The following ABCB5 variants were observed in gnomAD, a reference collection of about 807,000 sequenced individuals.
The protein encoded by ABCB5 is ATP binding cassette subfamily B member 5, also known as ATP-binding cassette sub-family B member 5.
Under a neutral mutation model 144.2 loss-of-function variants are expected in ABCB5, and 155 were observed. The observed-to-expected ratio is 1.08, with a 90% CI of 0.94 to 1.23. ABCB5 has a LOEUF of 1.23. Ranked by LOEUF, ABCB5 falls within the 50% of genes most tolerant of loss-of-function variation. The pLI, the probability that ABCB5 is intolerant of heterozygous loss-of-function variation, is 0.00. For missense variants in ABCB5, 1,830 were observed against 1,520.8 expected (o/e 1.20, Z -3.38); for synonymous variants, 610 against 528.6 (o/e 1.15, Z -2.11).
rs1482603337 is a variant in ABCB5, at chr7:20,643,203, G to A, written c.334G>A (p.Gly112Arg). The A allele has an allele frequency of 6.2e-7, 1 of 1,611,668 alleles. No individual in the cohort carries two copies. The highest frequency in any genetic ancestry group is 8.5e-7 in the Non-Finnish European group (1 of 1,178,516). The part of the protein sequence containing the change: ...DMTLLTLYYV[G>R]IGVAALIFGY... ...CTTCAGGTTGACCCTGTATTATGTT[G>A]GAATAGGTGTTGCTGCCTTGATTTT... is the stretch of plus-strand genomic sequence containing the variant. The change falls in exon 6 of 28, where the codon GGA (glycine) becomes AGA (arginine). Residue 112 changes from glycine (G) to arginine (R), a missense_variant. By Grantham distance (125) the Gly-to-Arg change is moderately radical. Coordinates refer to ENST00000404938, the MANE Select transcript of ABCB5 (RefSeq NM_001163941.2).
Position 20,723,163 on chromosome 7 carries a change from G to A in ABCB5, c.2569G>A (p.Ala857Thr), listed in dbSNP as rs80123476. 170 of 1,613,994 alleles carry A rather than the reference G, an allele frequency of 1.1e-4. 1 individual carries two copies. In the East Asian group the frequency reaches 1.8e-3, roughly 17 times the overall value. ...VLAVTGMIET[A>T]AMTGFANKDK... ...TGCCGTGACAGGAATGATTGAAACC[G>A]CAGCAATGACTGGATTTGCCAACAA... The change falls in exon 21 of 28, where the codon GCA becomes ACA. Residue 857 changes from alanine (A) to threonine (T), a missense_variant. By Grantham distance (58) the Ala-to-Thr change is moderately conservative. Transcript: ENST00000404938.
rs79454537 is a variant in ABCB5, at chr7:20,681,472, G to A, written c.1708-33G>A. 1,952 of 1,609,646 alleles carry A rather than the reference G, an allele frequency of 1.2e-3. 13 individuals are homozygous for A. The African/African-American group carries it at 0.024, about 20-fold the overall frequency. ...TGCAAAGGTTGTTATTTCTACTAAT[G>A]TCTATTTATTTTCTATGCATTTTAT... On this transcript the variant is annotated intron_variant, in intron 14 of 27. Transcript: ENST00000404938.
Position 20,681,626 on chromosome 7 carries a change from T to C in ABCB5, c.1829T>C (p.Met610Thr), listed in dbSNP as rs768069724. 84 of 1,614,066 alleles carry C rather than the reference T, an allele frequency of 5.2e-5. No homozygotes were observed. The East Asian group carries it at 1.7e-3, about 33-fold the overall frequency. The change falls in exon 15 of 28, where the codon ATG (methionine) becomes ACG (threonine). Residue 610 changes from methionine to threonine, a missense_variant. By Grantham distance (81) the Met-to-Thr change is moderately conservative. Transcript: ENST00000404938. ...LAEKGAHAELMAKRGLYYSLV... is the reference protein window; with the variant it reads ...LAEKGAHAELTAKRGLYYSLV... ...GAGAAAGGAGCACATGCTGAACTAA[T>C]GGCAAAACGAGGTCTATATTATTCA...
At chr7:20,690,421 T>C (rs192724420) in intron 16 of ABCB5, among the ~76,000 whole-genome samples, 3 of 152,230 alleles carry the variant, frequency 2.0e-5, no homozygotes, top group African/African-American at 4.8e-5. Context: ...TGGAGTCCTA[T>C]GTATCATTTA....
chr7:20,636,894 A>C (rs1435316779), intron 5 of ABCB5, among the ~76,000 whole-genome samples: 4 of 151,928 alleles, frequency 2.6e-5, no homozygotes, highest in Admixed American at 2.6e-4. Context: ...GAAATATTTG[A>C]GATACATATT....
In ABCB5 at chr7:20,643,501, G is replaced by A. The variant is rs745404517; in HGVS notation, c.547G>A (p.Ala183Thr). ...KISDGIGDKI[A>T]LLFQNMSTFS... ...CAGTGATGGTATTGGAGATAAGATT[G>A]CTCTGTTGTTTCAAAACATGTCTAC... is the stretch of plus-strand genomic sequence containing the variant. The change falls in exon 7 of 28, where the codon GCT becomes ACT. Residue 183 changes from alanine to threonine, a missense_variant. Transcript: ENST00000404938. The A allele has an allele frequency of 1.2e-6, 2 of 1,614,014 alleles. No homozygotes were observed. The highest frequency in any genetic ancestry group is 1.7e-6 in the Non-Finnish European group (2 of 1,179,888).
intron 21 of ABCB5, 122 bp from the exon 22 acceptor site, chr7:20,726,918 A>C: frequency 1.9e-6 from 1 of 519,264 alleles, no homozygotes; most frequent in East Asian, 3.3e-5. Flanking sequence ...AATATTTGTC[A>C]GGAAAACTTA....
chr7:20,688,690 T>G (rs1460498711), intron 16 of ABCB5, among the ~76,000 whole-genome samples: 1 of 151,760 alleles, frequency 6.6e-6, no homozygotes, highest in African/African-American at 2.4e-5. Context: ...TGCAGCACTA[T>G]TCACAATAGC....
chr7:20,674,263 C>T (rs546186451), intron 14 of ABCB5, among the ~76,000 whole-genome samples: 18 of 152,000 alleles, frequency 1.2e-4, no homozygotes, highest in Admixed American at 2.6e-4. Context: ...ATATTTCCAT[C>T]GATTCCTTTT....
Position 20,756,539 on chromosome 7 carries a change from A to C in ABCB5, c.*915A>C, listed in dbSNP as rs1783093632. 1 of 152,182 alleles carries C rather than the reference A, an allele frequency of 6.6e-6. No individual in the cohort carries two copies. The highest frequency in any genetic ancestry group is 2.4e-5 in the African/African-American group (1 of 41,400). 9.4% of individuals were successfully genotyped at this position (152,182 alleles called of 1,614,324 possible). On this transcript the variant is annotated 3_prime_UTR_variant, in exon 28 of 28. Transcript: ENST00000404938. ...GCACCTGGAATCCCAGCTACTTGGGAGGCTGAGGCAGGAGAATCATTTGAA... is the reference window on the plus strand; with the variant it reads ...GCACCTGGAATCCCAGCTACTTGGGCGGCTGAGGCAGGAGAATCATTTGAA...
chr7:20,741,444 A>G (rs1040882334), intron 24 of ABCB5, among the ~76,000 whole-genome samples: 3 of 152,144 alleles, frequency 2.0e-5, no homozygotes, highest in Non-Finnish European at 4.4e-5. Context: ...TTTAAAAAAT[A>G]AAACAAAAAG....
At chr7:20,688,628 CCA>C in intron 16 of ABCB5, among the ~76,000 whole-genome samples, 1 of 152,102 alleles carries the variant, frequency 6.6e-6, no homozygotes, top group Non-Finnish European at 1.5e-5. Flanking sequence ...GGTATATACC[CCA>C]AGGATTATAA....
chr7:20,738,141 C>T (rs1237719002), intron 23 of ABCB5, among the ~76,000 whole-genome samples: 1 of 152,164 alleles, frequency 6.6e-6, no homozygotes, highest in Non-Finnish European at 1.5e-5. Flanking sequence ...CCCTTTACTG[C>T]CTAATGTTTA....
intron 16 of ABCB5, among the ~76,000 whole-genome samples, chr7:20,689,072 A>T (rs966250600): frequency 2.6e-5 from 4 of 152,146 alleles, no homozygotes; most frequent in Non-Finnish European, 5.9e-5. Flanking sequence ...CATATGTAAC[A>T]AACCTGCACG....
At chr7:20,722,961 T>C in intron 20 of ABCB5, 55 bp from the exon 21 acceptor site, 1 of 1,518,026 alleles carries the variant, frequency 6.6e-7, no homozygotes, top group South Asian at 1.1e-5. Flanking sequence ...TAATAGGAAC[T>C]CTTGTAAATG....
intron 14 of ABCB5, among the ~76,000 whole-genome samples, chr7:20,665,897 T>C (rs1017315191): frequency 1.2e-4 from 18 of 147,494 alleles, no homozygotes; most frequent in Admixed American, 1.4e-4. Context: ...GGGCCGGGCC[T>C]GGTGGCTCAT....
At chr7:20,755,305 G>C (rs1783053522) in intron 27 of ABCB5, 122 bp from the exon 28 acceptor site, 1 of 780,888 alleles carries the variant, frequency 1.3e-6, no homozygotes, top group African/African-American at 1.7e-5. Context: ...AAGTAGGGCA[G>C]TTCCTTTGGG....
intron 14 of ABCB5, chr7:20,660,418 G>A: frequency 1.0e-6 from 1 of 985,196 alleles, no homozygotes; most frequent in African/African-American, 1.7e-5. Context: ...TTTATGTATG[G>A]TTTGCTGGGT....
intron 16 of ABCB5, among the ~76,000 whole-genome samples, chr7:20,698,077 C>T (rs1475596778): frequency 6.6e-6 from 1 of 152,054 alleles, no homozygotes; most frequent in Non-Finnish European, 1.5e-5. Flanking sequence ...TCCAGTTTAA[C>T]AAGAGTAAAG....
Sources: gnomAD v4.1 joint callset for allele counts (sites outside exome capture counted in the v4.1 genomes callset) on GRCh38, gnomAD v4.1.1 for gene constraint, MANE v1.5 for transcripts, NCBI Gene and HGNC (gene_info 2026-07-23, HGNC 2026-07-21) for gene names.